DIP2C: variants seen among roughly 807,000 people sequenced by gnomAD.
The protein encoded by DIP2C is DIP2 acetate--CoA ligase C (putative).
A neutral mutation model predicts 192.4 loss-of-function variants in DIP2C; 33 were observed. The ratio of observed to expected loss-of-function variants is 0.17; its 90% CI spans 0.13 to 0.23. The LOEUF is 0.23. Ranked by LOEUF, DIP2C falls within the 10% of genes least tolerant of loss-of-function variation. The probability of loss-of-function intolerance (pLI) is 1.00; values close to 1 mark genes in which losing one functional copy is unlikely to be tolerated. For synonymous variants in DIP2C, 979 were observed against 864.1 expected, an observed-to-expected ratio of 1.13 and a Z score of -2.33; for missense variants, 1,537 against 2,110.1, an observed-to-expected ratio of 0.73 and a Z score of 5.32.
At chr10:509,681 A>T (rs781655088) in intron 1 of DIP2C, among the ~76,000 whole-genome samples, 9 of 152,210 alleles carry the variant, frequency 5.9e-5, no homozygotes, top group Non-Finnish European at 1.3e-4. Flanking sequence ...AAGGGGGCTC[A>T]TAAGCAGATC....
chr10:504,288 G>A (rs942481063), intron 1 of DIP2C, among the ~76,000 whole-genome samples: 2 of 152,236 alleles, frequency 1.3e-5, no homozygotes, highest in African/African-American at 2.4e-5. Flanking sequence ...GCACGCAAGG[G>A]AAACAGCCGT....
chr10:396,835 G>GT (rs1013670319), intron 10 of DIP2C, among the ~76,000 whole-genome samples: 1 of 62,870 alleles, frequency 1.6e-5, no homozygotes. Context: ...GTGGGGGGGG[G>GT]GGAAACTGGC....
intron 1 of DIP2C, among the ~76,000 whole-genome samples, chr10:578,978 A>AGT (rs958616963): frequency 6.6e-6 from 1 of 152,288 alleles, no homozygotes; most frequent in African/African-American, 2.4e-5. Flanking sequence ...AGATCCATGT[A>AGT]GTGTACATAT....
intron 18 of DIP2C, among the ~76,000 whole-genome samples, chr10:367,545 C>T (rs952641236): frequency 6.6e-6 from 1 of 152,170 alleles, no homozygotes; most frequent in African/African-American, 2.4e-5. Flanking sequence ...GCTTACCGCT[C>T]GGCAGGGTAC....
chr10:326,064 C>T (rs1476149347), intron 31 of DIP2C, among the ~76,000 whole-genome samples: 5 of 152,026 alleles, frequency 3.3e-5, no homozygotes, highest in African/African-American at 1.2e-4. Context: ...ACCTGTAGTC[C>T]CAGCCACGTG....
chr10:389,947 C>A, intron 13 of DIP2C, 44 bp downstream of exon 13: 1 of 1,513,032 alleles, frequency 6.6e-7, no homozygotes, highest in South Asian at 1.2e-5. Flanking sequence ...TCAGGTGTCC[C>A]GGTTAGAACC....
intron 1 of DIP2C, among the ~76,000 whole-genome samples, chr10:568,831 T>TG (rs1481206006): frequency 7.1e-6 from 1 of 141,486 alleles, no homozygotes; most frequent in Non-Finnish European, 1.5e-5. Context: ...GCTGTGGCTC[T>TG]GCCTGATCGT....
chr10:568,142 AACC>A (rs1412933716), intron 1 of DIP2C, among the ~76,000 whole-genome samples: 2 of 152,180 alleles, frequency 1.3e-5, no homozygotes, highest in Admixed American at 6.5e-5. Context: ...GCACAGCAGA[AACC>A]ACCAAGCCCC....
At chr10:476,394 G>A (rs1047012752) in intron 2 of DIP2C, among the ~76,000 whole-genome samples, 1 of 152,168 alleles carries the variant, frequency 6.6e-6, no homozygotes, top group Non-Finnish European at 1.5e-5. Flanking sequence ...GCAAGTTTGT[G>A]AACTTTCCTA....
intron 1 of DIP2C, among the ~76,000 whole-genome samples, chr10:519,168 C>T (rs1196879414): frequency 3.9e-5 from 6 of 152,222 alleles, no homozygotes; most frequent in African/African-American, 9.6e-5. Context: ...AGGCCTAAGC[C>T]GCTGGCACCA....
intron 31 of DIP2C, among the ~76,000 whole-genome samples, chr10:325,878 C>T (rs892020955): frequency 6.6e-6 from 1 of 151,986 alleles, no homozygotes; most frequent in Non-Finnish European, 1.5e-5. Flanking sequence ...AGGAACACCA[C>T]GTTTATGAAA....
At chr10:557,722 CA>C (rs1848963585) in intron 1 of DIP2C, among the ~76,000 whole-genome samples, 1 of 41,244 alleles carries the variant, frequency 2.4e-5, no homozygotes, top group African/African-American at 1.5e-4. Flanking sequence ...ATGGGCAGGG[CA>C]GGGGAGGGGA....
chr10:336,160 G>C (rs908370325), intron 29 of DIP2C, among the ~76,000 whole-genome samples: 1 of 152,318 alleles, frequency 6.6e-6, no homozygotes, highest in African/African-American at 2.4e-5. Flanking sequence ...CTTGAGCCCA[G>C]GAGTTCAAAA....
chr10:547,396 C>T (rs1282566120), intron 1 of DIP2C, among the ~76,000 whole-genome samples: 3 of 152,190 alleles, frequency 2.0e-5, no homozygotes, highest in Non-Finnish European at 2.9e-5. Context: ...AGCTGTGAGG[C>T]AGGCAGTGAG....
chr10:672,035 G>A (rs1830672648), intron 1 of DIP2C, among the ~76,000 whole-genome samples: 1 of 142,554 alleles, frequency 7.0e-6, no homozygotes, highest in South Asian at 2.3e-4. Context: ...ACGCACGGAA[G>A]GAGGAAACAG....
At position 362,531 on chromosome 10, in the gene DIP2C, G is replaced by T; in HGVS notation, c.2753C>A (p.Thr918Asn). The change falls in exon 22 of 37, where the codon ACC (threonine) becomes AAC (asparagine). Residue 918 changes from threonine (T) to asparagine (N), a missense_variant. Physicochemically the swap from Thr to Asn is moderately conservative, Grantham distance 65. Transcript: ENST00000280886. ...AGGCTTAGGCAAGTTTGTGACGCAG[G>T]TGTGGGGGCACATTAGGACATTGCA... is the stretch of plus-strand genomic sequence containing the variant. ...HPCNVLMCPH[T>N]CVTNLPKPRQ... The T allele has an allele frequency of 6.2e-7, 1 of 1,614,068 alleles. No homozygotes were observed. The highest frequency in any genetic ancestry group is 8.5e-7 in the Non-Finnish European group (1 of 1,179,968).
intron 1 of DIP2C, among the ~76,000 whole-genome samples, chr10:619,266 T>G (rs2131825682): frequency 6.6e-6 from 1 of 152,320 alleles, no homozygotes; most frequent in East Asian, 1.9e-4. Context: ...CCAAACTTAG[T>G]GCCCCAAACA....
intron 1 of DIP2C, among the ~76,000 whole-genome samples, chr10:574,886 G>C (rs770252288): frequency 2.6e-5 from 4 of 152,110 alleles, no homozygotes; most frequent in Non-Finnish European, 5.9e-5. Context: ...CAATTTACTG[G>C]GTTTAATGTG....
rs929883990 is a variant in DIP2C, at chr10:484,658, G to A, written c.157+1801C>T. 27 of 1,353,336 alleles carry A rather than the reference G, an allele frequency of 2.0e-5. No individual in the cohort carries two copies. The East Asian group carries it at 6.8e-4, about 34-fold the overall frequency. The allele number at this position is 1,353,336 out of a possible 1,614,324, so 83.8% of individuals were successfully genotyped here. On this transcript the variant is annotated intron_variant, in intron 2 of 36. Transcript: ENST00000280886. ...CTGTGGAGCGACCTGGCTCACTGGA[G>A]AATGGGACCCTCAGGCCCCCAAGGC...
Sources: gnomAD v4.1 joint callset for allele counts (sites outside exome capture counted in the v4.1 genomes callset) on GRCh38, gnomAD v4.1.1 for gene constraint, MANE v1.5 for transcripts, NCBI Gene and HGNC (gene_info 2026-07-23, HGNC 2026-07-21) for gene names.